Variants in RAB31 observed in about 807,000 individuals in gnomAD.
RAB31 encodes RAB31, member RAS oncogene family.
A neutral mutation model predicts 25.6 loss-of-function variants in RAB31; 21 were observed. That is an observed-to-expected ratio of 0.82 (90% confidence interval 0.58 to 1.18). The LOEUF (loss-of-function observed/expected upper bound fraction) is 1.18, where lower values mean the gene tolerates loss of function less well. Ranked by LOEUF, RAB31 falls within the 50% of genes most tolerant of loss-of-function variation. RAB31 has a pLI of 0.00. For synonymous variants in RAB31, 87 were observed against 84.0 expected, an observed-to-expected ratio of 1.04 and a Z score of -0.20; for missense variants, 196 against 250.1, an observed-to-expected ratio of 0.78 and a Z score of 1.46.
intron 3 of RAB31, among the ~76,000 whole-genome samples, chr18:9,807,480 G>T (rs1274479406): frequency 2.0e-5 from 3 of 152,184 alleles, no homozygotes; most frequent in Non-Finnish European, 4.4e-5. Flanking sequence ...ACCTAGGAGT[G>T]GGGTGGGGCA....
intron 1 of RAB31, among the ~76,000 whole-genome samples, chr18:9,709,314 G>A (rs1359982449): frequency 6.6e-6 from 1 of 152,012 alleles, no homozygotes; most frequent in East Asian, 1.9e-4. Context: ...GGCCCACTCC[G>A]CATTCCAGAA....
chr18:9,784,211 T>TTG (rs1290678140), intron 2 of RAB31, among the ~76,000 whole-genome samples: 8 of 151,104 alleles, frequency 5.3e-5, no homozygotes, highest in Non-Finnish European at 1.0e-4. Context: ...TGATTTTTTT[T>TTG]TTTCTTTTGT....
At chr18:9,773,352 T>C (rs2068355168) in intron 1 of RAB31, among the ~76,000 whole-genome samples, 1 of 152,226 alleles carries the variant, frequency 6.6e-6, no homozygotes, top group South Asian at 2.1e-4. Context: ...GGCTTTCAAA[T>C]TTATACCTTT....
chr18:9,758,454 C>A (rs966605451), intron 1 of RAB31, among the ~76,000 whole-genome samples: 1 of 152,042 alleles, frequency 6.6e-6, no homozygotes, highest in East Asian at 1.9e-4. Context: ...CTCCTCCCCC[C>A]TCTTCCCTTC....
At chr18:9,734,098 G>A (rs559363886) in intron 1 of RAB31, among the ~76,000 whole-genome samples, 3 of 137,346 alleles carry the variant, frequency 2.2e-5, no homozygotes, top group East Asian at 2.1e-4. Context: ...GCAGGGTGGC[G>A]GGGAGGAGGG....
intron 1 of RAB31, among the ~76,000 whole-genome samples, chr18:9,747,825 G>A (rs541531825): frequency 6.6e-6 from 1 of 152,316 alleles, no homozygotes; most frequent in African/African-American, 2.4e-5. Flanking sequence ...CCACTGAGTT[G>A]TTCACTTTAA....
intron 2 of RAB31, 111 bp from the exon 3 acceptor site, chr18:9,792,043 G>A: frequency 7.0e-7 from 1 of 1,431,726 alleles, no homozygotes; most frequent in Non-Finnish European, 9.3e-7. Context: ...GGTTCCCAAG[G>A]ACCAGGGCTT....
At position 9,760,200 on chromosome 18, in the gene RAB31, G is replaced by T. The variant is rs371217792; in HGVS notation, c.40-15078G>T. 3.0e-4 allele frequency among the ~76,000 whole-genome samples: 45 copies of T among 148,944 alleles called. 1 individual carries two copies. Among genetic ancestry groups the T allele is most frequent in the East Asian group, 1.4e-3 (7 of 5,116 alleles). ...TTTTTGTTTTTGTTTTTGAGATAAG[G>T]TCTCACTCTGTCACCCAGGCTGGAG... On this transcript the variant is annotated intron_variant, in intron 1 of 6. Coordinates refer to ENST00000578921, the MANE Select transcript of RAB31 (RefSeq NM_006868.4).
At chr18:9,739,312 A>C (rs2145470679) in intron 1 of RAB31, among the ~76,000 whole-genome samples, 1 of 152,230 alleles carries the variant, frequency 6.6e-6, no homozygotes, top group Middle Eastern at 3.4e-3. Context: ...GTCTCTACTA[A>C]AAATAAAAAA....
At chr18:9,851,506 A>G (rs2143146504) in intron 6 of RAB31, among the ~76,000 whole-genome samples, 1 of 152,324 alleles carries the variant, frequency 6.6e-6, no homozygotes, top group East Asian at 1.9e-4. Flanking sequence ...CAGATGAGGA[A>G]ATTGAGGCCT....
chr18:9,708,505 C>A lies in RAB31; in HGVS notation c.39+61C>A. ...CCCGCGCTCTCGCGCCCCTTCGCTCCCCTATTCCCTGCGCGCTCAGTCCCC... is the reference window on the plus strand; with the variant it reads ...CCCGCGCTCTCGCGCCCCTTCGCTCACCTATTCCCTGCGCGCTCAGTCCCC... On this transcript the variant is annotated intron_variant, in intron 1 of 6. Coordinates refer to ENST00000578921, the MANE Select transcript of RAB31 (RefSeq NM_006868.4). The surrounding 1 kb of genome is among the most constrained non-coding windows in gnomAD (Gnocchi z 6.4). 7.0e-7 allele frequency: 1 copy of A among 1,427,852 alleles called. No individual in the cohort carries two copies. Among genetic ancestry groups the A allele is most frequent in the South Asian group, 1.3e-5 (1 of 77,798 alleles). 88.4% of individuals were successfully genotyped at this position (1,427,852 alleles called of 1,614,324 possible).
chr18:9,839,431 A>G (rs1004973999), intron 5 of RAB31, among the ~76,000 whole-genome samples: 4 of 152,210 alleles, frequency 2.6e-5, no homozygotes, highest in Non-Finnish European at 4.4e-5. Flanking sequence ...CGCAGTTTGA[A>G]GAGTCCCCAC....
intron 3 of RAB31, among the ~76,000 whole-genome samples, chr18:9,799,750 T>C (rs1386856496): frequency 2.6e-5 from 4 of 152,230 alleles, no homozygotes. Context: ...TCAGTGGTGA[T>C]ATGGTAATTC....
chr18:9,820,742 G>T (rs1230610052), intron 5 of RAB31, among the ~76,000 whole-genome samples: 2 of 151,968 alleles, frequency 1.3e-5, no homozygotes, highest in Non-Finnish European at 2.9e-5. Context: ...CAGTAGTGAT[G>T]TCTCATTTTC....
At chr18:9,858,217 T>A (rs4798874) in intron 6 of RAB31, among the ~76,000 whole-genome samples, 54,915 of 151,996 alleles carry the variant, frequency 0.36, 10,614 homozygotes, top group East Asian at 0.58. Flanking sequence ...GATGGGACCT[T>A]CAGCAAAGTG....
chr18:9,732,212 T>G (rs8089464), intron 1 of RAB31, among the ~76,000 whole-genome samples: 99,381 of 152,060 alleles, frequency 0.65, 32,803 homozygotes, highest in African/African-American at 0.74. Flanking sequence ...CAGACCATCT[T>G]CGTCCAGGGG....
intron 5 of RAB31, among the ~76,000 whole-genome samples, chr18:9,843,860 G>T (rs1250696303): frequency 6.6e-6 from 1 of 152,158 alleles, no homozygotes; most frequent in Non-Finnish European, 1.5e-5. Flanking sequence ...TTTCCAGCTA[G>T]GACTGAAGGG....
At chr18:9,735,781 A>G (rs1030007585) in intron 1 of RAB31, among the ~76,000 whole-genome samples, 1 of 152,152 alleles carries the variant, frequency 6.6e-6, no homozygotes, top group African/African-American at 2.4e-5. Flanking sequence ...GGCAAAGGGG[A>G]ATTTTTCTTT....
At chr18:9,710,497 G>T (rs1367206246) in intron 1 of RAB31, among the ~76,000 whole-genome samples, 1 of 152,144 alleles carries the variant, frequency 6.6e-6, no homozygotes, top group Non-Finnish European at 1.5e-5. Context: ...TTTGAACTTG[G>T]AGTTGGAAGA....
Sources: allele counts gnomAD v4.1 joint callset (sites outside exome capture counted in the v4.1 genomes callset), GRCh38; gene constraint gnomAD v4.1.1; non-coding constraint Gnocchi (gnomAD v3.1); transcripts MANE v1.5; gene names NCBI Gene and HGNC (gene_info 2026-07-23, HGNC 2026-07-21).